Variants in DDX46 observed in about 807,000 individuals in gnomAD.
DDX46 encodes probable ATP-dependent RNA helicase DDX46.
A neutral mutation model predicts 134.9 loss-of-function variants in DDX46; 30 were observed. The observed-to-expected ratio is 0.22, with a 90% CI of 0.17 to 0.30. The LOEUF (loss-of-function observed/expected upper bound fraction) is 0.30. Among genes scored for constraint, DDX46 ranks in the 10% least tolerant of loss-of-function variants. The pLI is 1.00. For synonymous variants in DDX46, 415 were observed against 404.1 expected (o/e 1.03, Z -0.32); for missense variants, 622 against 1,248.7 (o/e 0.50, Z 7.56).
intron 15 of DDX46, among the ~76,000 whole-genome samples, chr5:134,804,481 A>G (rs1754924812): frequency 6.6e-6 from 1 of 152,138 alleles, no homozygotes; most frequent in South Asian, 2.1e-4. Flanking sequence ...TCTGTCGCCC[A>G]AGGTGGAGTG....
intron 15 of DDX46, chr5:134,804,707 C>A: frequency 4.7e-6 from 1 of 211,408 alleles, no homozygotes; most frequent in Non-Finnish European, 9.8e-6. Context: ...CAAAAATATG[C>A]TTTTTATTTT....
chr5:134,773,802 T>C lies in DDX46; in HGVS notation c.554T>C (p.Leu185Pro), dbSNP rs1208545606. The C allele has an allele frequency of 6.2e-7, 1 of 1,611,802 alleles. No homozygotes were observed. Among genetic ancestry groups the C allele is most frequent in the East Asian group, 2.2e-5 (1 of 44,778 alleles). ...AAGGCTATGGAAAACATAGGAGAACTGAAAAAGGAAATCGAAGAGATGAAA... is the reference window on the plus strand; with the variant it reads ...AAGGCTATGGAAAACATAGGAGAACCGAAAAAGGAAATCGAAGAGATGAAA... ...RKKAMENIGE[L>P]KKEIEEMKQG... The change falls in exon 5 of 23, where the codon CTG becomes CCG. Residue 185 changes from leucine to proline, a missense_variant. By Grantham distance (98) the Leu-to-Pro change is moderately conservative. Transcript: ENST00000452510.
intron 15 of DDX46, among the ~76,000 whole-genome samples, chr5:134,804,254 A>G (rs951921699): frequency 6.6e-6 from 1 of 152,184 alleles, no homozygotes; most frequent in African/African-American, 2.4e-5. Context: ...ATGTATTTTC[A>G]TAATAATCCA....
intron 6 of DDX46, among the ~76,000 whole-genome samples, chr5:134,780,098 A>ATATGTGTG (rs375058113): frequency 8.6e-5 from 12 of 139,580 alleles, no homozygotes; most frequent in African/African-American, 2.2e-4. Flanking sequence ...AAAAAAATAT[A>ATATGTGTG]TGTGTGTGTG....
intron 15 of DDX46, among the ~76,000 whole-genome samples, chr5:134,805,932 C>G (rs1754972935): frequency 6.6e-6 from 1 of 151,972 alleles, no homozygotes. Flanking sequence ...TAAAGACATC[C>G]TAAAGGCCAG....
intron 15 of DDX46, among the ~76,000 whole-genome samples, chr5:134,798,920 C>T (rs1754746393): frequency 6.6e-6 from 1 of 152,204 alleles, no homozygotes; most frequent in Non-Finnish European, 1.5e-5. Context: ...CCGTCCTGAA[C>T]ATGCACAAAA....
chr5:134,822,138 C>G (rs1297730629), intron 21 of DDX46, among the ~76,000 whole-genome samples: 1 of 152,158 alleles, frequency 6.6e-6, no homozygotes, highest in East Asian at 1.9e-4. Context: ...CTCAGCCTCC[C>G]AAAGTGCAGG....
chr5:134,825,404 C>G (rs571340922), intron 21 of DDX46, among the ~76,000 whole-genome samples: 1 of 152,182 alleles, frequency 6.6e-6, no homozygotes, highest in East Asian at 1.9e-4. Flanking sequence ...CATAGCCATA[C>G]CCTTGGCCTT....
intron 11 of DDX46, among the ~76,000 whole-genome samples, chr5:134,786,531 A>G (rs993462377): frequency 6.6e-6 from 1 of 151,972 alleles, no homozygotes; most frequent in African/African-American, 2.4e-5. Context: ...TTGTTTCTCT[A>G]ATCTATGCTG....
chr5:134,786,898 T>TTTGTTG (rs141573785), intron 11 of DDX46, among the ~76,000 whole-genome samples: 193 of 151,068 alleles, frequency 1.3e-3, no homozygotes, highest in African/African-American at 2.2e-3. Context: ...TCAGAGGTGT[T>TTTGTTG]TTGTTGTTGT....
chr5:134,761,189 C>T (rs1285435676), intron 1 of DDX46, among the ~76,000 whole-genome samples: 1 of 152,108 alleles, frequency 6.6e-6, no homozygotes, highest in Non-Finnish European at 1.5e-5. Flanking sequence ...CCACGCTTTG[C>T]TAATTTTTGT....
chr5:134,772,651 A>G (rs1419048607), intron 4 of DDX46, among the ~76,000 whole-genome samples: 1 of 152,108 alleles, frequency 6.6e-6, no homozygotes, highest in Non-Finnish European at 1.5e-5. Context: ...TTACAGGTGC[A>G]TGCCACCACG....
At chr5:134,793,365 G>T (rs1163313677) in intron 13 of DDX46, among the ~76,000 whole-genome samples, 1 of 152,130 alleles carries the variant, frequency 6.6e-6, no homozygotes, top group African/African-American at 2.4e-5. Flanking sequence ...GCAGTAGTGT[G>T]CTTCCAGGCA....
intron 20 of DDX46, among the ~76,000 whole-genome samples, chr5:134,818,290 C>T (rs1755339665): frequency 6.7e-6 from 1 of 149,738 alleles, no homozygotes; most frequent in Non-Finnish European, 1.5e-5. Flanking sequence ...GACGGGGTTT[C>T]TCCATGTTGG....
At position 134,830,425 on chromosome 5, in the gene DDX46, C is replaced by G. The variant is rs1755707018; in HGVS notation, c.*1719C>G. The G allele has an allele frequency of 6.6e-6, 1 of 151,558 alleles. No homozygotes were observed. Among genetic ancestry groups the G allele is most frequent in the South Asian group, 2.1e-4 (1 of 4,812 alleles). The allele number at this position is 151,558 out of a possible 1,614,324, so 9.4% of individuals were successfully genotyped here. A position where few individuals can be genotyped will look rare whatever the true frequency, so the allele number is the denominator to read the frequency against. On this transcript the variant is annotated 3_prime_UTR_variant, in exon 23 of 23. Coordinates refer to ENST00000452510, the MANE Select transcript of DDX46 (RefSeq NM_001300860.2). ...TAAGGGGTGTCCTGCAATCAGTCCC[C>G]CTCTCATACCAAAGGATGACTGTAT...
intron 6 of DDX46, among the ~76,000 whole-genome samples, chr5:134,780,424 A>G (rs1754109592): frequency 6.7e-6 from 1 of 150,188 alleles, no homozygotes; most frequent in East Asian, 2.0e-4. Flanking sequence ...AATTAGCCGG[A>G]CTAGTGGCGG....
intron 1 of DDX46, among the ~76,000 whole-genome samples, chr5:134,760,021 G>A (rs1326414966): frequency 1.3e-5 from 2 of 152,052 alleles, no homozygotes; most frequent in East Asian, 3.8e-4. Context: ...ATTATTTATT[G>A]TCCAGACTAC....
chr5:134,770,093 C>G (rs367797876), intron 3 of DDX46, among the ~76,000 whole-genome samples: 2 of 151,678 alleles, frequency 1.3e-5, no homozygotes, highest in South Asian at 2.1e-4. Flanking sequence ...GACGAGGTCT[C>G]ACTGTATTAT....
At chr5:134,767,147 G>A (rs2150130406) in intron 3 of DDX46, 87 bp downstream of exon 3, 1 of 1,466,308 alleles carries the variant, frequency 6.8e-7, no homozygotes, top group Non-Finnish European at 9.0e-7. Flanking sequence ...CTGTAAGTTT[G>A]TATTTATAGA....
Sources: gnomAD v4.1 joint callset for allele counts (sites outside exome capture counted in the v4.1 genomes callset) on GRCh38, gnomAD v4.1.1 for gene constraint, MANE v1.5 for transcripts, NCBI Gene and HGNC (gene_info 2026-07-23, HGNC 2026-07-21) for gene names.